LATS2: variants seen among roughly 807,000 people sequenced by gnomAD.
The protein encoded by LATS2 is large tumor suppressor kinase 2, also known as serine/threonine-protein kinase LATS2.
In LATS2, 24 loss-of-function variants were observed where a neutral mutation model predicts 76.0. The ratio of observed to expected loss-of-function variants is 0.32; its 90% confidence interval spans 0.23 to 0.44. The LOEUF is 0.44. Ranked by LOEUF, LATS2 falls within the 20% of genes least tolerant of loss-of-function variation. The probability of loss-of-function intolerance (pLI) is 1.00; values close to 1 mark genes in which losing one functional copy is unlikely to be tolerated. For synonymous variants in LATS2, 692 were observed against 635.4 expected, an observed-to-expected ratio of 1.09 and a Z score of -1.34; for missense variants, 1,286 against 1,481.2, an observed-to-expected ratio of 0.87 and a Z score of 2.16.
At chr13:21,038,230 G>A (rs78979861) in intron 2 of LATS2, among the ~76,000 whole-genome samples, 1 of 152,106 alleles carries the variant, frequency 6.6e-6, no homozygotes, top group Admixed American at 6.6e-5. Flanking sequence ...TGTACCGGGG[G>A]CAGGAGAGGC....
chr13:21,056,434 C>T (rs1331487502), intron 1 of LATS2, among the ~76,000 whole-genome samples: 4 of 152,182 alleles, frequency 2.6e-5, no homozygotes, highest in Admixed American at 2.0e-4. Context: ...TTATGATATA[C>T]ATTATGCAAA....
At chr13:21,018,247 A>G (rs1414777534) in intron 2 of LATS2, 1 of 152,224 alleles carries the variant, frequency 6.6e-6, no homozygotes, top group Non-Finnish European at 1.5e-5. Context: ...TACTGTATGA[A>G]AATAAGTGAA....
At chr13:21,010,810 T>C (rs1215640276) in intron 2 of LATS2, among the ~76,000 whole-genome samples, 1 of 152,194 alleles carries the variant, frequency 6.6e-6, no homozygotes, top group African/African-American at 2.4e-5. Context: ...GAACCAATCA[T>C]AAGGTCTGAC....
chr13:21,008,260 G>C (rs1375029510), intron 2 of LATS2, among the ~76,000 whole-genome samples: 1 of 152,012 alleles, frequency 6.6e-6, no homozygotes, highest in Admixed American at 6.6e-5. Flanking sequence ...CTCCTGCTGG[G>C]GTTCTCAAGA....
At position 20,988,055 on chromosome 13, in the gene LATS2, G is replaced by C; in HGVS notation, c.1725C>G (p.Thr575=). The change falls in exon 4 of 8, where the codon ACC becomes ACG. Residue 575 remains threonine (T), a synonymous_variant. Coordinates refer to ENST00000382592, the MANE Select transcript of LATS2 (RefSeq NM_014572.3). ...TGTTTTTGCGGACGGGAACGGGAGA[G>C]GTCTGAATCTGCTTTTTATCCTTTC... ...KGGKDKKQIQ[T]SPVPVRKNSR... 6.2e-7 allele frequency: 1 copy of C among 1,614,238 alleles called. No homozygotes were observed. The highest frequency in any genetic ancestry group is 8.5e-7 in the Non-Finnish European group (1 of 1,180,038).
chr13:20,999,002 C>T (rs907920163), intron 2 of LATS2, among the ~76,000 whole-genome samples: 2 of 151,826 alleles, frequency 1.3e-5, no homozygotes, highest in Non-Finnish European at 2.9e-5. Flanking sequence ...CAGGGATCCC[C>T]GCGACCTTGT....
Position 20,974,580 on chromosome 13 carries a change from A to G in LATS2, c.*290T>C. On this transcript the variant is annotated 3_prime_UTR_variant, in exon 8 of 8. Transcript: ENST00000382592. ...AAGTTAATCCCTATAATTTAGTAAG[A>G]AAAAATGGATATAAACAAAATAAGT... is the stretch of plus-strand genomic sequence containing the variant. 1 of 332,112 alleles carries G rather than the reference A, an allele frequency of 3.0e-6. No homozygotes were observed. The highest frequency in any genetic ancestry group is 5.5e-6 in the Non-Finnish European group (1 of 182,296). The allele number at this position is 332,112 out of a possible 1,614,324, so 20.6% of individuals were successfully genotyped here. A position where few individuals can be genotyped will look rare whatever the true frequency, so the allele number is the denominator to read the frequency against.
intron 2 of LATS2, among the ~76,000 whole-genome samples, chr13:21,036,764 C>T (rs1355642658): frequency 1.4e-5 from 2 of 142,986 alleles, no homozygotes; most frequent in Non-Finnish European, 3.1e-5. Flanking sequence ...CAGAGCAAAA[C>T]TCCGTCTCAA....
Position 20,989,015 on chromosome 13 carries a change from C to T in LATS2, c.765G>A (p.Arg255=). The change falls in exon 4 of 8, where the codon CGG becomes CGA. Residue 255 remains arginine (R), a synonymous_variant. Transcript: ENST00000382592. The stretch of plus-strand genomic sequence containing the variant: ...GTTCCCCAGGCACCAGCAGGTGCGG[C>T]CGCCCGTAGTGCGCGCCCTGCAGCG... ...HFPLQGAHYG[R]PHLLVPGEPL... is the part of the protein sequence containing the mutation. 1 of 1,551,516 alleles carries T rather than the reference C, an allele frequency of 6.4e-7. No individual in the cohort carries two copies. The highest frequency in any genetic ancestry group is 8.7e-7 in the Non-Finnish European group (1 of 1,154,972).
chr13:21,049,197 T>C (rs1873176766), intron 1 of LATS2, among the ~76,000 whole-genome samples: 1 of 152,150 alleles, frequency 6.6e-6, no homozygotes, highest in Non-Finnish European at 1.5e-5. Context: ...TCTCGTGGGA[T>C]GAAACCATGG....
chr13:20,975,410 G>C, intron 7 of LATS2, 46 bp from the exon 8 acceptor site: 2 of 1,512,742 alleles, frequency 1.3e-6, no homozygotes, highest in East Asian at 4.5e-5. Context: ...CTCACATCTT[G>C]GGCAGTTCTG....
chr13:20,991,392 G>A lies in LATS2; in HGVS notation c.355C>T (p.Arg119Ter), dbSNP rs1321418369. The change falls in exon 3 of 8, where the codon CGA (arginine) becomes TGA (stop). Residue 119 changes from arginine to a stop codon, truncating the protein, a stop_gained. Transcript: ENST00000382592. LOFTEE classifies it high-confidence loss of function. The surrounding 1 kb of genome is among the most constrained non-coding windows in gnomAD (Gnocchi z 4.9). ...CTGCTGCCAGTCTGCTTGAGAGCTCGGCCAGCCATCTCCTGGGAGGGAAGT... is the reference window on the plus strand; with the variant it reads ...CTGCTGCCAGTCTGCTTGAGAGCTCAGCCAGCCATCTCCTGGGAGGGAAGT... Reference protein sequence around the residue: ...NAGCDQEMAGRALKQTGSRSI... With the variant: ...NAGCDQEMAG 7.4e-6 allele frequency: 12 copies of A among 1,614,080 alleles called. No homozygotes were observed. The highest frequency in any genetic ancestry group is 1.1e-5 in the South Asian group (1 of 91,084).
At position 20,989,189 on chromosome 13, in the gene LATS2, G is replaced by A. The variant is rs769590508; in HGVS notation, c.591C>T (p.Gly197=). The change falls in exon 4 of 8, where the codon GGC becomes GGT. Residue 197 remains glycine, a synonymous_variant. Coordinates refer to ENST00000382592, the MANE Select transcript of LATS2 (RefSeq NM_014572.3). ...CCTCCAGCGCCGTGGGGCCGTCAGC[G>A]CCGAAGCTTGGGCCCTCGTAGGGGG... is the stretch of plus-strand genomic sequence containing the variant. ...SGTPYEGPSF[G]ADGPTALEEM... is the part of the protein sequence containing the mutation. 4.3e-6 allele frequency: 7 copies of A among 1,613,520 alleles called. No homozygotes were observed. The highest frequency in any genetic ancestry group is 3.3e-5 in the South Asian group (3 of 91,078).
chr13:21,060,073 G>C (rs1343955796), intron 1 of LATS2, among the ~76,000 whole-genome samples: 1 of 152,208 alleles, frequency 6.6e-6, no homozygotes, highest in South Asian at 2.1e-4. Context: ...GCCAGCCGCC[G>C]AGCTAACTCG....
intron 2 of LATS2, among the ~76,000 whole-genome samples, chr13:21,043,604 T>C (rs1359588350): frequency 6.6e-6 from 1 of 152,206 alleles, no homozygotes; most frequent in Non-Finnish European, 1.5e-5. Context: ...GCATTAAATA[T>C]GGTAAATGGA....
Position 20,988,527 on chromosome 13 carries a change from G to A in LATS2, c.1253C>T (p.Pro418Leu). 3 of 1,568,534 alleles carry A rather than the reference G, an allele frequency of 1.9e-6. No individual in the cohort carries two copies. The highest frequency in any genetic ancestry group is 4.6e-5 in the East Asian group (2 of 43,736). Residue 418 changes from proline (P) to leucine (L), a missense_variant, in exon 4 of 8, where the codon CCG (proline) becomes CTG (leucine). Around this residue, in one of 5 missense-constraint regions of LATS2, gnomAD observed 710 missense variants for 660.9 expected, o/e 1.07. Transcript: ENST00000382592. ...CAGGGAGGGCTCGGCCTTGCCAGGC[G>A]GACCGGGCCGCGGCTGGTGGCTGTT... is the stretch of plus-strand genomic sequence containing the variant. The part of the protein sequence containing the change: ...SFNSHQPRPG[P>L]PGKAEPSLPA...
intron 2 of LATS2, among the ~76,000 whole-genome samples, chr13:21,024,310 C>T (rs1872215751): frequency 6.6e-6 from 1 of 151,702 alleles, no homozygotes; most frequent in African/African-American, 2.4e-5. Flanking sequence ...TAGCACATGC[C>T]TGGTAATCCC....
At chr13:21,019,530 A>T (rs1385836827) in intron 2 of LATS2, among the ~76,000 whole-genome samples, 1 of 139,896 alleles carries the variant, frequency 7.1e-6, no homozygotes, top group Non-Finnish European at 1.5e-5. Context: ...TTTAGTAGAG[A>T]CAGGGTTTCA....
chr13:21,056,556 C>A (rs146839607), intron 1 of LATS2, among the ~76,000 whole-genome samples: 2 of 152,266 alleles, frequency 1.3e-5, no homozygotes, highest in African/African-American at 4.8e-5. Context: ...TAATAGCAAG[C>A]GACCCAACAG....
Sources: allele counts gnomAD v4.1 joint callset (sites outside exome capture counted in the v4.1 genomes callset), GRCh38; gene constraint gnomAD v4.1.1; regional missense constraint gnomAD v4.1.1; non-coding constraint Gnocchi (gnomAD v3.1); transcripts MANE v1.5; gene names NCBI Gene and HGNC (gene_info 2026-07-23, HGNC 2026-07-21).